The following SENP7 variants were observed in gnomAD, a reference collection of about 807,000 sequenced individuals.
The protein encoded by SENP7 is SUMO specific peptidase 7, also known as sentrin-specific protease 7.
SENP7 carries 64 observed loss-of-function variants against 141.2 expected under a neutral mutation model. The observed-to-expected ratio is 0.45, with a 90% CI of 0.37 to 0.56. The LOEUF (loss-of-function observed/expected upper bound fraction) is 0.56, where lower values mean the gene tolerates loss of function less well. SENP7 is among the 20% of genes least tolerant of loss of function. The pLI, the probability that SENP7 is intolerant of heterozygous loss-of-function variation, is 0.00. For synonymous variants in SENP7, 382 were observed against 426.4 expected (o/e 0.90, Z 1.28); for missense variants, 1,025 against 1,212.2 (o/e 0.85, Z 2.29).
chr3:101,409,877 C>A (rs1284718328), intron 5 of SENP7, among the ~76,000 whole-genome samples: 2 of 152,096 alleles, frequency 1.3e-5, no homozygotes, highest in Non-Finnish European at 2.9e-5. Context: ...TTGGCTTAGG[C>A]AAGGATTTTA....
intron 3 of SENP7, among the ~76,000 whole-genome samples, chr3:101,463,931 TCTC>T (rs1193227013): frequency 6.6e-6 from 1 of 152,100 alleles, no homozygotes; most frequent in Non-Finnish European, 1.5e-5. Context: ...TTCAAGCACT[TCTC>T]CTGCCTCAGC....
At chr3:101,385,791 T>C (rs1431187117) in intron 6 of SENP7, among the ~76,000 whole-genome samples, 1 of 152,134 alleles carries the variant, frequency 6.6e-6, no homozygotes, top group Non-Finnish European at 1.5e-5. Flanking sequence ...TCTAGAATTA[T>C]AAGCCAGACT....
intron 4 of SENP7, among the ~76,000 whole-genome samples, chr3:101,432,580 G>A (rs937572881): frequency 6.6e-6 from 1 of 152,182 alleles, no homozygotes; most frequent in Non-Finnish European, 1.5e-5. Context: ...ATCTTTAGGT[G>A]GCTTGGAATA....
chr3:101,506,421 T>C (rs898845603), intron 1 of SENP7, among the ~76,000 whole-genome samples: 11 of 152,032 alleles, frequency 7.2e-5, no homozygotes, highest in Non-Finnish European at 1.3e-4. Context: ...CAATAATGTA[T>C]AATCTCCATC....
chr3:101,371,010 C>A (rs1365994250), intron 7 of SENP7, among the ~76,000 whole-genome samples: 1 of 152,118 alleles, frequency 6.6e-6, no homozygotes, highest in Non-Finnish European at 1.5e-5. Flanking sequence ...AAAACAGTGG[C>A]CAAGCGCGGT....
rs183448333 is a variant in SENP7, at chr3:101,326,756, T to C, written c.3016-676A>G. Among the ~76,000 whole-genome samples, 237 of 152,302 alleles carry C rather than the reference T, an allele frequency of 1.6e-3. 1 individual carries two copies. Among genetic ancestry groups the C allele is most frequent in the African/African-American group, 5.2e-3 (218 of 41,578 alleles). ...CAGATCTTTTCATTTTAGAAAATTTTATTTAAAATACTGTCTCTGCCCTAT... is the reference window on the plus strand; with the variant it reads ...CAGATCTTTTCATTTTAGAAAATTTCATTTAAAATACTGTCTCTGCCCTAT... On this transcript the variant is annotated intron_variant, in intron 23 of 23. Transcript: ENST00000394095.
At chr3:101,406,088 A>G (rs2107608595) in intron 5 of SENP7, among the ~76,000 whole-genome samples, 1 of 152,372 alleles carries the variant, frequency 6.6e-6, no homozygotes, top group Middle Eastern at 3.4e-3. Flanking sequence ...TACTGGGTAT[A>G]TACCCAAAGA....
intron 4 of SENP7, among the ~76,000 whole-genome samples, chr3:101,442,114 G>C (rs944108047): frequency 6.6e-6 from 1 of 152,006 alleles, no homozygotes; most frequent in African/African-American, 2.4e-5. Context: ...ATCAACATAA[G>C]AACATAAGAA....
intron 5 of SENP7, among the ~76,000 whole-genome samples, chr3:101,399,591 T>C (rs1253013067): frequency 6.6e-6 from 1 of 152,240 alleles, no homozygotes; most frequent in Admixed American, 6.5e-5. Flanking sequence ...TGCTAATATG[T>C]AATAGCATCA....
At chr3:101,345,242 T>C (rs113561128) in intron 13 of SENP7, among the ~76,000 whole-genome samples, 19,787 of 152,118 alleles carry the variant, frequency 0.13, 1,345 homozygotes, top group South Asian at 0.18. Context: ...TCTAGTTCTA[T>C]GAAGTATGAT....
intron 4 of SENP7, among the ~76,000 whole-genome samples, chr3:101,441,518 C>T (rs1220980791): frequency 6.6e-6 from 1 of 152,168 alleles, no homozygotes; most frequent in Non-Finnish European, 1.5e-5. Context: ...GGGGCCTAAG[C>T]ACTAGCCCAC....
chr3:101,329,775 T>TAAAA (rs762298259), intron 20 of SENP7, among the ~76,000 whole-genome samples: 42 of 100,454 alleles, frequency 4.2e-4, no homozygotes, highest in Non-Finnish European at 7.2e-4. Context: ...CCATCTCTAC[T>TAAAA]AAAAAAAAAA....
intron 4 of SENP7, among the ~76,000 whole-genome samples, chr3:101,458,370 T>C (rs1322045587): frequency 6.6e-6 from 1 of 152,242 alleles, no homozygotes; most frequent in East Asian, 1.9e-4. Flanking sequence ...AATACTCTTT[T>C]TAAAATAACT....
chr3:101,501,578 CA>C (rs59659080), intron 1 of SENP7, among the ~76,000 whole-genome samples: 59,990 of 151,530 alleles, frequency 0.4, 12,323 homozygotes, highest in Admixed American at 0.53. Context: ...TGCTGGGCAA[CA>C]TGCTTAGGGA....
intron 4 of SENP7, among the ~76,000 whole-genome samples, chr3:101,450,749 C>T (rs1414921228): frequency 2.0e-5 from 3 of 152,098 alleles, no homozygotes; most frequent in Non-Finnish European, 2.9e-5. Flanking sequence ...TAAATGCTCA[C>T]AAGAGAAAGC....
intron 4 of SENP7, among the ~76,000 whole-genome samples, chr3:101,430,290 G>T (rs369408034): frequency 1.3e-5 from 2 of 152,186 alleles, no homozygotes; most frequent in East Asian, 3.8e-4. Context: ...ATTTCTGATA[G>T]AATTCAGCTG....
chr3:101,326,296 C>T (rs1426575484), intron 23 of SENP7, among the ~76,000 whole-genome samples: 2 of 151,906 alleles, frequency 1.3e-5, no homozygotes, highest in Admixed American at 6.6e-5. Context: ...ATGAGAGGGG[C>T]AGAACCTGAC....
chr3:101,484,373 T>C (rs949949292), intron 3 of SENP7, among the ~76,000 whole-genome samples: 1 of 152,178 alleles, frequency 6.6e-6, no homozygotes, highest in African/African-American at 2.4e-5. Context: ...GAAATCATCA[T>C]GGTGGACAGG....
At chr3:101,343,277 A>C (rs920931792) in intron 14 of SENP7, among the ~76,000 whole-genome samples, 1 of 152,142 alleles carries the variant, frequency 6.6e-6, no homozygotes, top group African/African-American at 2.4e-5. Context: ...GTTTCTACTT[A>C]AATTTTTACT....
Sources: gnomAD v4.1 joint callset for allele counts (sites outside exome capture counted in the v4.1 genomes callset) on GRCh38, gnomAD v4.1.1 for gene constraint, MANE v1.5 for transcripts, NCBI Gene and HGNC (gene_info 2026-07-23, HGNC 2026-07-21) for gene names.